Variants in CFAP36 observed in about 807,000 individuals in gnomAD.
CFAP36 encodes cilia- and flagella-associated protein 36.
In CFAP36, 37 loss-of-function variants were observed where a neutral mutation model predicts 50.5. The observed-to-expected ratio is 0.73, with a 90% CI of 0.56 to 0.96. The LOEUF is 0.96. Ranked by LOEUF, CFAP36 falls within the 50% of genes least tolerant of loss-of-function variation. The pLI, the probability that CFAP36 is intolerant of heterozygous loss-of-function variation, is 0.00. For missense variants in CFAP36, 407 were observed against 396.2 expected, an observed-to-expected ratio of 1.03 and a Z score of -0.23; for synonymous variants, 138 against 128.2, an observed-to-expected ratio of 1.08 and a Z score of -0.52.
intron 1 of CFAP36, chr2:55,520,403 A>C: frequency 6.5e-7 from 1 of 1,539,830 alleles, no homozygotes; most frequent in Non-Finnish European, 8.8e-7. Flanking sequence ...CCAAACCAAC[A>C]GTTAACTGCA....
At chr2:55,537,392 TATA>T (rs1684515905) in intron 6 of CFAP36, 88 bp from the exon 7 acceptor site, 4 of 867,976 alleles carry the variant, frequency 4.6e-6, no homozygotes. Flanking sequence ...AAAAGAAAAC[TATA>T]ATATCTTTGG....
At chr2:55,530,770 G>C (rs76943023) in intron 4 of CFAP36, among the ~76,000 whole-genome samples, 1 of 152,140 alleles carries the variant, frequency 6.6e-6, no homozygotes, top group Admixed American at 6.5e-5. Flanking sequence ...GTCTTCGTTA[G>C]CTCAATAGAT....
Position 55,543,524 on chromosome 2 carries a change from G to A in CFAP36, c.641-414G>A, listed in dbSNP as rs191938169. Among the ~76,000 whole-genome samples, 69 of 152,298 alleles carry A rather than the reference G, an allele frequency of 4.5e-4. 2 individuals carry two copies. Among genetic ancestry groups the A allele is most frequent in the Non-Finnish European group, 2.9e-5 (2 of 68,018 alleles). On this transcript the variant is annotated intron_variant, in intron 7 of 9. Coordinates refer to ENST00000349456, the MANE Select transcript of CFAP36 (RefSeq NM_080667.7). ...TAGTTTTACATTAATTGTTCTGAAA[G>A]TATAGGGTGACTTTTTACATGCAAG...
At chr2:55,544,476 C>A in intron 9 of CFAP36, 107 bp downstream of exon 9, 1 of 1,042,738 alleles carries the variant, frequency 9.6e-7, no homozygotes, top group Non-Finnish European at 1.4e-6. Context: ...CAGACCCATT[C>A]ATATTAATCA....
chr2:55,540,675 T>C (rs563636479), intron 7 of CFAP36, among the ~76,000 whole-genome samples: 22 of 152,294 alleles, frequency 1.4e-4, no homozygotes, highest in African/African-American at 5.3e-4. Context: ...GTAGATCATG[T>C]TGGGAAGAAC....
chr2:55,544,171 T>C, intron 8 of CFAP36, 49 bp from the exon 9 acceptor site: 1 of 1,609,018 alleles, frequency 6.2e-7, no homozygotes, highest in Non-Finnish European at 8.5e-7. Flanking sequence ...TCTGTGCTAC[T>C]TACTAAATGG....
intron 3 of CFAP36, among the ~76,000 whole-genome samples, chr2:55,525,634 T>C (rs192959287): frequency 2.1e-4 from 32 of 151,204 alleles, no homozygotes; most frequent in Admixed American, 2.1e-3. Context: ...CTTGCTCTCT[T>C]TTTTTTTTCT....
Position 55,544,081 on chromosome 2 carries a change from A to G in CFAP36, c.777+7A>G, listed in dbSNP as rs749692801. 1.9e-6 allele frequency: 3 copies of G among 1,613,162 alleles called. No homozygotes were observed. In the African/African-American group the frequency reaches 4.0e-5, roughly 22 times the overall value. ...CATTGAAGGACCAATAGCAGTAAGT[A>G]AACGACATCACTTAAGAACTATAAG... On this transcript the variant is annotated splice_region_variant and intron_variant, in intron 8 of 9. Transcript: ENST00000349456.
chr2:55,521,749 C>T (rs960419675), intron 1 of CFAP36, among the ~76,000 whole-genome samples: 2 of 151,706 alleles, frequency 1.3e-5, no homozygotes, highest in Admixed American at 6.6e-5. Context: ...CTTGCCTCAG[C>T]CTCCCGAGTA....
At chr2:55,535,823 C>A in intron 6 of CFAP36, 60 bp downstream of exon 6, 4 of 1,504,322 alleles carry the variant, frequency 2.7e-6, no homozygotes, top group East Asian at 2.4e-5. Flanking sequence ...TAAGTTTACA[C>A]CTAGATCTTA....
chr2:55,527,708 C>T (rs1037928199), intron 3 of CFAP36, among the ~76,000 whole-genome samples: 6 of 152,020 alleles, frequency 3.9e-5, no homozygotes, highest in African/African-American at 1.2e-4. Context: ...ACAGAATGTT[C>T]GTCAAGACAG....
intron 4 of CFAP36, among the ~76,000 whole-genome samples, chr2:55,533,462 G>T (rs1288237948): frequency 6.6e-6 from 1 of 152,042 alleles, no homozygotes; most frequent in Non-Finnish European, 1.5e-5. Flanking sequence ...CCGGCACTTT[G>T]GTAGGCCGAG....
At chr2:55,534,178 C>CT (rs146273930) in intron 5 of CFAP36, among the ~76,000 whole-genome samples, 1 of 152,220 alleles carries the variant, frequency 6.6e-6, no homozygotes, top group East Asian at 1.9e-4. Flanking sequence ...ATGAAAGGGT[C>CT]TTTTTACACC....
At chr2:55,541,447 C>G (rs1574626778) in intron 7 of CFAP36, among the ~76,000 whole-genome samples, 1 of 152,214 alleles carries the variant, frequency 6.6e-6, no homozygotes. Context: ...TATTTTATAT[C>G]TAAGTATTTC....
At chr2:55,538,597 C>G (rs188428627) in intron 7 of CFAP36, among the ~76,000 whole-genome samples, 52 of 151,834 alleles carry the variant, frequency 3.4e-4, no homozygotes, top group Admixed American at 2.7e-3. Flanking sequence ...CCTGGCTACT[C>G]TTATCTTTTT....
intron 1 of CFAP36, chr2:55,520,454 G>C: frequency 1.3e-6 from 2 of 1,548,716 alleles, no homozygotes; most frequent in Non-Finnish European, 8.7e-7. Context: ...CAGAGCCGGT[G>C]ATTTTGGTGG....
intron 4 of CFAP36, among the ~76,000 whole-genome samples, chr2:55,533,486 T>G (rs1187433647): frequency 1.3e-5 from 2 of 151,916 alleles, no homozygotes; most frequent in African/African-American, 4.8e-5. Context: ...GGCAGATGAC[T>G]TGAGGTCAGG....
At position 55,537,493 on chromosome 2, in the gene CFAP36, C is replaced by T; in HGVS notation, c.548C>T (p.Ala183Val). Residue 183 changes from alanine (A) to valine (V), a missense_variant, in exon 7 of 10, where the codon GCT becomes GTT. Ala to Val is a moderately conservative substitution (Grantham distance 64). Transcript: ENST00000349456. The part of the protein sequence containing the change: ...ERKRKKQLSE[A>V]KTEEPTVHSS... ...TATGGAATCCTGAAGTTATCAGAGGCTAAAACAGAAGAGCCCACAGTGCAT... is the reference window on the plus strand; with the variant it reads ...TATGGAATCCTGAAGTTATCAGAGGTTAAAACAGAAGAGCCCACAGTGCAT... 6.2e-7 allele frequency: 1 copy of T among 1,606,300 alleles called. No homozygotes were observed. The highest frequency in any genetic ancestry group is 1.1e-5 in the South Asian group (1 of 89,068).
At chr2:55,521,621 GTA>G (rs1553453647) in intron 1 of CFAP36, among the ~76,000 whole-genome samples, 2 of 144,306 alleles carry the variant, frequency 1.4e-5, no homozygotes, top group African/African-American at 2.5e-5. Context: ...GTGTGTGTGT[GTA>G]TATTTTTTTT....
Sources: gnomAD v4.1 joint callset for allele counts (sites outside exome capture counted in the v4.1 genomes callset) on GRCh38, gnomAD v4.1.1 for gene constraint, MANE v1.5 for transcripts, NCBI Gene and HGNC (gene_info 2026-07-23, HGNC 2026-07-21) for gene names.